PARD6G: variants seen among roughly 807,000 people sequenced by gnomAD.
The protein encoded by PARD6G is partitioning defective 6 homolog gamma.
Under a neutral mutation model 10.7 loss-of-function variants are expected in PARD6G, and 7 were observed. That is an observed-to-expected ratio of 0.66 (90% CI 0.37 to 1.23). PARD6G has a LOEUF of 1.23. PARD6G is among the 50% of genes most tolerant of loss of function. The pLI is 0.02. For missense variants in PARD6G, 548 were observed against 571.8 expected (o/e 0.96, Z 0.42); for synonymous variants, 287 against 269.4 (o/e 1.07, Z -0.64).
intron 1 of PARD6G, among the ~76,000 whole-genome samples, chr18:80,222,561 C>T (rs982764485): frequency 1.1e-4 from 16 of 152,146 alleles, no homozygotes; most frequent in Non-Finnish European, 2.4e-4. Flanking sequence ...AGTTGAAGAA[C>T]TCACACTTCC....
At chr18:80,243,050 C>T (rs1056286802) in intron 1 of PARD6G, among the ~76,000 whole-genome samples, 5 of 152,096 alleles carry the variant, frequency 3.3e-5, no homozygotes, top group African/African-American at 7.2e-5. Context: ...GATGTCACTT[C>T]CAGGAATTTG....
Position 80,237,922 on chromosome 18 carries a change from T to C in PARD6G, c.72+9355A>G, listed in dbSNP as rs548128371. Among the ~76,000 whole-genome samples, 7 of 152,164 alleles carry C rather than the reference T, an allele frequency of 4.6e-5. No homozygotes were observed. In the South Asian group the frequency reaches 1.5e-3, roughly 32 times the overall value. ...TGGGACTGTAAACTAATTCAACCAT[T>C]GTGGAAGTCAGTGTGGCGATTCCTC... On this transcript the variant is annotated intron_variant, in intron 1 of 2. Transcript: ENST00000353265.
Position 80,200,287 on chromosome 18 carries a change from C to T in PARD6G, c.295+2423G>A, listed in dbSNP as rs1966996637. On this transcript the variant is annotated intron_variant, in intron 2 of 2. Transcript: ENST00000353265. This position sits in a 1 kb window ranked among gnomAD's most constrained non-coding sequence, Gnocchi z 4.4. ...TATGCAGGGAGGGTGCCTGACTGTG[C>T]ACCGGAAACAACTGCCCCTGACTGC... is the stretch of plus-strand genomic sequence containing the variant. Among the ~76,000 whole-genome samples the T allele has an allele frequency of 6.6e-6, 1 of 152,140 alleles. No homozygotes were observed. The highest frequency in any genetic ancestry group is 1.5e-5 in the Non-Finnish European group (1 of 68,028).
chr18:80,160,286 T>C lies in PARD6G; in HGVS notation c.616A>G (p.Ser206Gly). 5.0e-6 allele frequency: 8 copies of C among 1,611,002 alleles called. No individual in the cohort carries two copies. The highest frequency in any genetic ancestry group is 6.8e-6 in the Non-Finnish European group (8 of 1,179,442). Reference protein sequence around the residue: ...SRMVPGGLAESTGLLAVNDEV... With the variant: ...SRMVPGGLAEGTGLLAVNDEV... ...TCATTCACAGCCAGCAGCCCGGTGC[T>C]CTCCGCCAGGCCCCCGGGTACCATG... The change falls in exon 3 of 3, where the codon AGC (serine) becomes GGC (glycine). Residue 206 changes from serine (S) to glycine (G), a missense_variant. Transcript: ENST00000353265.
At position 80,246,714 on chromosome 18, in the gene PARD6G, C is replaced by G. The variant is rs1967554217; in HGVS notation, c.72+563G>C. 6.6e-6 allele frequency among the ~76,000 whole-genome samples: 1 copy of G among 151,554 alleles called. No individual in the cohort carries two copies. The highest frequency in any genetic ancestry group is 1.5e-5 in the Non-Finnish European group (1 of 67,834). ...GGGCCGGGGGAGAGCCGGGTGCGTGCTCTGGGTCTGCGCGGGGGAGCGCGC... is the reference window on the plus strand; with the variant it reads ...GGGCCGGGGGAGAGCCGGGTGCGTGGTCTGGGTCTGCGCGGGGGAGCGCGC... On this transcript the variant is annotated intron_variant, in intron 1 of 2. Coordinates refer to ENST00000353265, the MANE Select transcript of PARD6G (RefSeq NM_032510.4). The surrounding 1 kb of genome is among the most constrained non-coding windows in gnomAD (Gnocchi z 6.7).
At position 80,201,782 on chromosome 18, in the gene PARD6G, C is replaced by T. The variant is rs991469809; in HGVS notation, c.295+928G>A. 1.3e-5 allele frequency among the ~76,000 whole-genome samples: 2 copies of T among 152,230 alleles called. No homozygotes were observed. Among genetic ancestry groups the T allele is most frequent in the South Asian group, 2.1e-4 (1 of 4,834 alleles). On this transcript the variant is annotated intron_variant, in intron 2 of 2. Transcript: ENST00000353265. The surrounding 1 kb of genome is among the most constrained non-coding windows in gnomAD (Gnocchi z 5.9). ...AGGACCCTCGTTTTGCAAAGCAGGA[C>T]GCTGGGGTGAAGGAGGCGGAGGGCC... is the stretch of plus-strand genomic sequence containing the variant.
At chr18:80,185,085 A>C (rs2052866926) in intron 2 of PARD6G, 1 of 152,206 alleles carries the variant, frequency 6.6e-6, no homozygotes, top group African/African-American at 2.4e-5. Context: ...CTCTGCTTTT[A>C]ATCTACTCTC....
intron 1 of PARD6G, among the ~76,000 whole-genome samples, chr18:80,238,400 G>A (rs577358039): frequency 2.0e-5 from 3 of 151,600 alleles, no homozygotes; most frequent in African/African-American, 7.3e-5. Flanking sequence ...TAAATGATGA[G>A]TTAATGGGTG....
At chr18:80,212,496 T>C (rs764072904) in intron 1 of PARD6G, among the ~76,000 whole-genome samples, 2 of 152,232 alleles carry the variant, frequency 1.3e-5, no homozygotes, top group Non-Finnish European at 2.9e-5. Flanking sequence ...GAGGTGCTCA[T>C]TACAATTTTC....
chr18:80,172,404 A>G (rs1246882489), intron 2 of PARD6G, among the ~76,000 whole-genome samples: 2 of 140,056 alleles, frequency 1.4e-5, no homozygotes, highest in Non-Finnish European at 3.0e-5. Flanking sequence ...TTTGAGACAG[A>G]GTTTCAGTCT....
In PARD6G at chr18:80,202,737, G is replaced by A; in HGVS notation, c.268C>T (p.Leu90=). The change falls in exon 2 of 3, where the codon CTG becomes TTG. Residue 90 remains leucine, a synonymous_variant. Coordinates refer to ENST00000353265, the MANE Select transcript of PARD6G (RefSeq NM_032510.4). ...FCKAVSSANP[L]LRVFIQKREE... ...CGTTTCTGGATGAAGACCCTGAGCA[G>A]GGGATTTGCACTAGAAACCGCCTTG... The A allele has an allele frequency of 6.2e-7, 1 of 1,613,428 alleles. No individual in the cohort carries two copies.
chr18:80,178,858 A>C (rs11664130), intron 2 of PARD6G, among the ~76,000 whole-genome samples: 29,102 of 152,052 alleles, frequency 0.19, 2,965 homozygotes, highest in Middle Eastern at 0.31. Flanking sequence ...GAGCAGGTCC[A>C]CCCAAAACAG....
chr18:80,186,967 C>T (rs1373642771), intron 2 of PARD6G, among the ~76,000 whole-genome samples: 2 of 151,968 alleles, frequency 1.3e-5, no homozygotes, highest in Non-Finnish European at 2.9e-5. Flanking sequence ...GGCGTGGTGG[C>T]GGGCACCTGT....
Position 80,231,161 on chromosome 18 carries a change from G to A in PARD6G, c.72+16116C>T, listed in dbSNP as rs1174608614. Among the ~76,000 whole-genome samples, 2 of 152,206 alleles carry A rather than the reference G, an allele frequency of 1.3e-5. No homozygotes were observed. The highest frequency in any genetic ancestry group is 2.1e-4 in the South Asian group (1 of 4,832). On this transcript the variant is annotated intron_variant, in intron 1 of 2. Transcript: ENST00000353265. This position sits in a 1 kb window ranked among gnomAD's most constrained non-coding sequence, Gnocchi z 4.2. ...CCATCAGCAAGGGAGTGGGATGAAC[G>A]GGCCAGGGTTACTCCAGAAGCAACT...
intron 2 of PARD6G, chr18:80,178,390 T>C (rs2052828957): frequency 1.3e-5 from 2 of 152,710 alleles, no homozygotes; most frequent in Middle Eastern, 3.1e-3. Context: ...CACCGACTCC[T>C]GCTCCTGGCT....
chr18:80,234,438 C>T (rs1049924822), intron 1 of PARD6G, among the ~76,000 whole-genome samples: 1 of 152,132 alleles, frequency 6.6e-6, no homozygotes, highest in African/African-American at 2.4e-5. Flanking sequence ...TTTGATTAAT[C>T]CACAAATAGC....
At chr18:80,187,347 C>T (rs1419486895) in intron 2 of PARD6G, among the ~76,000 whole-genome samples, 1 of 152,186 alleles carries the variant, frequency 6.6e-6, no homozygotes, top group African/African-American at 2.4e-5. Flanking sequence ...CTGTTTCTCA[C>T]ATTTTGCTTC....
At position 80,231,293 on chromosome 18, in the gene PARD6G, C is replaced by T. The variant is rs1423121359; in HGVS notation, c.72+15984G>A. ...CGTGAGCACAGGCTGCGCATCTGTCCCTGCCTTCATAAGACTTTCCTGAAA... is the reference window on the plus strand; with the variant it reads ...CGTGAGCACAGGCTGCGCATCTGTCTCTGCCTTCATAAGACTTTCCTGAAA... On this transcript the variant is annotated intron_variant, in intron 1 of 2. Coordinates refer to ENST00000353265, the MANE Select transcript of PARD6G (RefSeq NM_032510.4). This position sits in a 1 kb window ranked among gnomAD's most constrained non-coding sequence, Gnocchi z 4.2. Among the ~76,000 whole-genome samples, 1 of 152,214 alleles carries T rather than the reference C, an allele frequency of 6.6e-6. No individual in the cohort carries two copies. Among genetic ancestry groups the T allele is most frequent in the African/African-American group, 2.4e-5 (1 of 41,448 alleles).
At chr18:80,211,983 G>T (rs111309929) in intron 1 of PARD6G, among the ~76,000 whole-genome samples, 1 of 151,990 alleles carries the variant, frequency 6.6e-6, no homozygotes, top group Admixed American at 6.6e-5. Flanking sequence ...TGATGGCTGC[G>T]TAACAATATG....
Sources: allele counts gnomAD v4.1 joint callset (sites outside exome capture counted in the v4.1 genomes callset), GRCh38; gene constraint gnomAD v4.1.1; non-coding constraint Gnocchi (gnomAD v3.1); transcripts MANE v1.5; gene names NCBI Gene and HGNC (gene_info 2026-07-23, HGNC 2026-07-21).